Variants in MYH7 observed in about 807,000 individuals in gnomAD.
MYH7 encodes myosin-7.
A neutral mutation model predicts 225.4 loss-of-function variants in MYH7; 129 were observed. That is an observed-to-expected ratio of 0.57 (90% CI 0.50 to 0.66). MYH7 has a LOEUF of 0.66. MYH7 is among the 30% of genes least tolerant of loss of function. The pLI is 0.00. For missense variants in MYH7, 1,649 were observed against 2,517.0 expected, an observed-to-expected ratio of 0.66 and a Z score of 7.38; for synonymous variants, 971 against 1,007.6, an observed-to-expected ratio of 0.96 and a Z score of 0.69.
chr14:23,431,747 G>A lies in MYH7; in HGVS notation c.639+14C>T, dbSNP rs753401681. The stretch of plus-strand genomic sequence containing the variant: ...CTTTCTGCGGTACAGGACCTTGGAG[G>A]GCAGCAGGCCTACCTTGCCCGGGCT... On this transcript the variant is annotated intron_variant, in intron 7 of 39. Transcript: ENST00000355349. 1.9e-5 allele frequency: 31 copies of A among 1,614,164 alleles called. No individual in the cohort carries two copies. The South Asian group carries it at 3.1e-4, about 16-fold the overall frequency.
intron 31 of MYH7, 69 bp downstream of exon 31, chr14:23,417,434 T>G: frequency 6.2e-7 from 1 of 1,611,978 alleles, no homozygotes; most frequent in Non-Finnish European, 8.5e-7. Context: ...AGGATGGCTC[T>G]GGCCTCTCAC....
Position 23,419,504 on chromosome 14 carries a change from C to T in MYH7, c.3832G>A (p.Ala1278Thr). The T allele has an allele frequency of 6.2e-7, 1 of 1,614,076 alleles. No homozygotes were observed. Among genetic ancestry groups the T allele is most frequent in the Non-Finnish European group, 8.5e-7 (1 of 1,180,026 alleles). The part of the protein sequence containing the change: ...RSVNDLTSQR[A>T]KLQTENGELS... Reference sequence around the variant, plus strand: ...TCACCATTCTCGGTTTGCAACTTGGCCCGCTGGCTGGTGAGGTCGTTGACA... The same window carrying T: ...TCACCATTCTCGGTTTGCAACTTGGTCCGCTGGCTGGTGAGGTCGTTGACA... Residue 1278 changes from alanine to threonine, a missense_variant, in exon 28 of 40, where the codon GCC (alanine) becomes ACC (threonine). By Grantham distance (58) the Ala-to-Thr change is moderately conservative (BLOSUM62 0). Coordinates refer to ENST00000355349, the MANE Select transcript of MYH7 (RefSeq NM_000257.4).
At chr14:23,434,598 G>A (rs776631370) in intron 1 of MYH7, among the ~76,000 whole-genome samples, 14 of 152,126 alleles carry the variant, frequency 9.2e-5, no homozygotes, top group Non-Finnish European at 1.2e-4. Context: ...CAGTCTAAAA[G>A]CACTTCAATG....
At chr14:23,420,287 C>G in intron 26 of MYH7, 53 bp from the exon 27 acceptor site, 1 of 1,588,530 alleles carries the variant, frequency 6.3e-7, no homozygotes, top group Non-Finnish European at 8.5e-7. Context: ...CCACTGGAAT[C>G]CCCCCGGCTC....
At chr14:23,429,482 C>A in intron 12 of MYH7, 135 bp from the exon 13 acceptor site, 1 of 939,312 alleles carries the variant, frequency 1.1e-6, no homozygotes, top group Non-Finnish European at 1.7e-6. Flanking sequence ...TTGAGACCAA[C>A]CTGGCCAACA....
At position 23,431,848 on chromosome 14, in the gene MYH7, C is replaced by T. The variant is rs775357831; in HGVS notation, c.552G>A (p.Lys184=). 1.9e-6 allele frequency: 3 copies of T among 1,614,262 alleles called. No individual in the cohort carries two copies. The highest frequency in any genetic ancestry group is 2.5e-6 in the Non-Finnish European group (3 of 1,180,040). ...ILITGESGAG[K]TVNTKRVIQY... ...GGATGACCCTCTTGGTGTTGACTGTCTTCCCTGCTCCGGATTCTCCGCTGT... is the reference window on the plus strand; with the variant it reads ...GGATGACCCTCTTGGTGTTGACTGTTTTCCCTGCTCCGGATTCTCCGCTGT... Residue 184 remains lysine, a synonymous_variant, in exon 7 of 40, where the codon AAG becomes AAA. Transcript: ENST00000355349.
At chr14:23,427,462 A>G in intron 16 of MYH7, 123 bp downstream of exon 16, 2 of 1,481,440 alleles carry the variant, frequency 1.4e-6, no homozygotes, top group Non-Finnish European at 1.9e-6. Flanking sequence ...GTTCCATCCC[A>G]CTGAGTCTGT....
At position 23,429,416 on chromosome 14, in the gene MYH7, C is replaced by T. The variant is rs1354487038; in HGVS notation, c.1139-69G>A. On this transcript the variant is annotated intron_variant, in intron 12 of 39. Transcript: ENST00000355349. ...GCTGGCCAGGTGTGGTGGTTCATGC[C>T]TGTAATCCCAGCACTTTGGGAGGCC... 11 of 1,471,480 alleles carry T rather than the reference C, an allele frequency of 7.5e-6. No homozygotes were observed. The African/African-American group carries it at 9.7e-5, about 13-fold the overall frequency. 91.2% of individuals were successfully genotyped at this position (1,471,480 alleles called of 1,614,324 possible).
Position 23,433,504 on chromosome 14 carries a change from T to C in MYH7, c.201+28A>G. The C allele has an allele frequency of 6.2e-7, 1 of 1,611,112 alleles. No individual in the cohort carries two copies. The highest frequency in any genetic ancestry group is 1.1e-5 in the South Asian group (1 of 90,962). ...CACCCAGGTGTACAGGTGGCCAGGG[T>C]GGACTCTCACATCAGCCTGACACCC... On this transcript the variant is annotated intron_variant, in intron 3 of 39. Transcript: ENST00000355349. This position sits in a 1 kb window ranked among gnomAD's most constrained non-coding sequence, Gnocchi z 4.1.
Position 23,425,929 on chromosome 14 carries a change from C to A in MYH7, c.2162+35G>T. 2 of 1,613,006 alleles carry A rather than the reference C, an allele frequency of 1.2e-6. No individual in the cohort carries two copies. The highest frequency in any genetic ancestry group is 1.7e-6 in the Non-Finnish European group (2 of 1,180,034). On this transcript the variant is annotated intron_variant, in intron 19 of 39. Coordinates refer to ENST00000355349, the MANE Select transcript of MYH7 (RefSeq NM_000257.4). The surrounding 1 kb of genome is among the most constrained non-coding windows in gnomAD (Gnocchi z 4.6). ...TCCCATCAGGGCAGCCTGGCTCCCC[C>A]TGTTCTATGAGCTCTGGTGCACCCT...
At chr14:23,420,304 G>C in intron 26 of MYH7, 70 bp from the exon 27 acceptor site, 1 of 1,569,356 alleles carries the variant, frequency 6.4e-7, no homozygotes, top group South Asian at 1.1e-5. Flanking sequence ...GCTCTAAAAG[G>C]CTCTCGGCTT....
At chr14:23,413,631 T>G in intron 39 of MYH7, 128 bp downstream of exon 39, 2 of 1,297,694 alleles carry the variant, frequency 1.5e-6, no homozygotes, top group South Asian at 2.5e-5. Flanking sequence ...CTGCATTACC[T>G]TGGCCTCTGG....
chr14:23,429,941 C>A (rs1326594490), intron 11 of MYH7, 28 bp from the exon 12 acceptor site: 1 of 1,613,062 alleles, frequency 6.2e-7, no homozygotes, highest in Non-Finnish European at 8.5e-7. Flanking sequence ...ATTGGCGGAC[C>A]CCAGAAAAAG....
chr14:23,416,416 G>A, intron 33 of MYH7, 104 bp from the exon 34 acceptor site: 5 of 1,289,644 alleles, frequency 3.9e-6, no homozygotes, highest in South Asian at 1.4e-5. Flanking sequence ...CAAGAGTGGT[G>A]TAAGTGGTTC....
At position 23,415,059 on chromosome 14, in the gene MYH7, C is replaced by T. The variant is rs730880820; in HGVS notation, c.5495G>A (p.Arg1832His). The change falls in exon 37 of 40, where the codon CGC becomes CAC. Residue 1832 changes from arginine to histidine, a missense_variant. By Grantham distance (29) the Arg-to-His change is conservative. Coordinates refer to ENST00000355349, the MANE Select transcript of MYH7 (RefSeq NM_000257.4). This position sits in a 1 kb window ranked among gnomAD's most constrained non-coding sequence, Gnocchi z 6.3. ...CATGCCCTTCACCGACTCTGCGTTG[C>T]GCTTCTGCTCGGCCTCCAGCTCATT... ...LENELEAEQK[R>H]NAESVKGMRK... 51 of 1,612,904 alleles carry T rather than the reference C, an allele frequency of 3.2e-5. No individual in the cohort carries two copies. Among genetic ancestry groups the T allele is most frequent in the South Asian group, 9.9e-5 (9 of 91,082 alleles).
chr14:23,423,783 T>C, intron 23 of MYH7, 60 bp from the exon 24 acceptor site: 1 of 1,613,296 alleles, frequency 6.2e-7, no homozygotes, highest in South Asian at 1.1e-5. Flanking sequence ...GTGCCATCTG[T>C]GGGGAGCTCC....
Position 23,433,411 on chromosome 14 carries a change from A to C in MYH7, c.201+121T>G. 2 of 1,434,730 alleles carry C rather than the reference A, an allele frequency of 1.4e-6. No individual in the cohort carries two copies. Among genetic ancestry groups the C allele is most frequent in the Admixed American group, 3.5e-5 (2 of 57,580 alleles). The allele number at this position is 1,434,730 out of a possible 1,614,324, so 88.9% of individuals were successfully genotyped here. A position where few individuals can be genotyped will look rare whatever the true frequency, so the allele number is the denominator to read the frequency against. ...TTTGGAGGGTCTGGATTCTTCCCCAAAGGGAAGGAGAATGGGACCATCCTC... is the reference window on the plus strand; with the variant it reads ...TTTGGAGGGTCTGGATTCTTCCCCACAGGGAAGGAGAATGGGACCATCCTC... On this transcript the variant is annotated intron_variant, in intron 3 of 39. Transcript: ENST00000355349. This position sits in a 1 kb window ranked among gnomAD's most constrained non-coding sequence, Gnocchi z 4.1.
chr14:23,427,408 C>T (rs1892735785), intron 16 of MYH7, 101 bp from the exon 17 acceptor site: 3 of 1,508,920 alleles, frequency 2.0e-6, no homozygotes, highest in Admixed American at 1.8e-5. Context: ...CATTTGGCCC[C>T]TGGGTGAGGG....
At chr14:23,421,086 G>A (rs752139003) in intron 25 of MYH7, 38 bp from the exon 26 acceptor site, 10 of 1,513,480 alleles carry the variant, frequency 6.6e-6, no homozygotes, top group African/African-American at 2.7e-5. Context: ...AGGGAGACTC[G>A]TGGGGCCTCA....
Sources: allele counts gnomAD v4.1 joint callset (sites outside exome capture counted in the v4.1 genomes callset), GRCh38; gene constraint gnomAD v4.1.1; non-coding constraint Gnocchi (gnomAD v3.1); transcripts MANE v1.5; gene names NCBI Gene and HGNC (gene_info 2026-07-23, HGNC 2026-07-21).